The following JAK1 variants were observed in gnomAD, a reference collection of about 807,000 sequenced individuals.
The protein encoded by JAK1 is Janus kinase 1, also known as tyrosine-protein kinase JAK1.
Under a neutral mutation model 136.6 loss-of-function variants are expected in JAK1, and 16 were observed. The ratio of observed to expected loss-of-function variants is 0.12; its 90% CI spans 0.08 to 0.18. JAK1 has a LOEUF of 0.18. Ranked by LOEUF, JAK1 falls within the 10% of genes least tolerant of loss-of-function variation. The pLI is 1.00. For missense variants in JAK1, 859 were observed against 1,450.1 expected, an observed-to-expected ratio of 0.59 and a Z score of 6.62; for synonymous variants, 492 against 519.5, an observed-to-expected ratio of 0.95 and a Z score of 0.72.
chr1:64,847,696 C>G (rs1184308870), intron 12 of JAK1, 21 bp from the exon 13 acceptor site: 2 of 1,611,726 alleles, frequency 1.2e-6, no homozygotes, highest in East Asian at 2.2e-5. Context: ...AAGCAGAAGG[C>G]TGGGTGACCT....
intron 1 of JAK1, among the ~76,000 whole-genome samples, chr1:65,067,337 T>A (rs934244066): frequency 1.3e-5 from 2 of 149,586 alleles, no homozygotes; most frequent in African/African-American, 4.9e-5. Flanking sequence ...CGGCTGCGTG[T>A]GCGTGTGCGC....
chr1:64,918,866 T>C (rs796840839), intron 1 of JAK1, among the ~76,000 whole-genome samples: 11 of 152,326 alleles, frequency 7.2e-5, no homozygotes, highest in African/African-American at 2.6e-4. Context: ...CCTTATCCTC[T>C]CCAGTAATCA....
At chr1:64,868,232 T>A (rs1656832413) in intron 6 of JAK1, among the ~76,000 whole-genome samples, 1 of 152,090 alleles carries the variant, frequency 6.6e-6, no homozygotes, top group African/African-American at 2.4e-5. Flanking sequence ...GGAGTCAATG[T>A]TAAGAAGAAC....
intron 2 of JAK1, among the ~76,000 whole-genome samples, chr1:65,016,577 C>A (rs1389553285): frequency 1.3e-5 from 2 of 152,176 alleles, no homozygotes; most frequent in East Asian, 3.9e-4. Flanking sequence ...GCACTCCAGC[C>A]TGGCAACAGA....
At chr1:64,838,935 G>A (rs535037051) in intron 20 of JAK1, among the ~76,000 whole-genome samples, 134 of 151,930 alleles carry the variant, frequency 8.8e-4, no homozygotes, top group African/African-American at 3.0e-3. Flanking sequence ...CACGAGGTCA[G>A]GAGATCGAGA....
intron 1 of JAK1, among the ~76,000 whole-genome samples, chr1:65,053,352 A>G (rs72677633): frequency 6.6e-6 from 1 of 152,166 alleles, no homozygotes; most frequent in Non-Finnish European, 1.5e-5. Context: ...CTCAAAAAAA[A>G]CACAAAAACA....
intron 2 of JAK1, among the ~76,000 whole-genome samples, chr1:65,042,407 AACACACACACAC>A (rs72477165): frequency 6.8e-5 from 10 of 148,012 alleles, no homozygotes; most frequent in South Asian, 2.2e-4. Context: ...ACTCTTATTT[AACACACACACAC>A]ACACACACAC....
At chr1:64,847,024 A>C (rs1570626272) in intron 13 of JAK1, 1 of 501,878 alleles carries the variant, frequency 2.0e-6, no homozygotes, top group South Asian at 2.9e-5. Context: ...ACTCATGCCC[A>C]CCTCTCTCTC....
intron 1 of JAK1, among the ~76,000 whole-genome samples, chr1:64,926,330 T>C (rs1261455104): frequency 6.6e-6 from 1 of 151,520 alleles, no homozygotes; most frequent in African/African-American, 2.4e-5. Context: ...TATATGTGAC[T>C]CCTGCCCATT....
intron 1 of JAK1, among the ~76,000 whole-genome samples, chr1:64,953,671 T>G (rs1056795816): frequency 2.6e-5 from 4 of 152,090 alleles, no homozygotes; most frequent in African/African-American, 4.8e-5. Flanking sequence ...TTTTTTTTTA[T>G]TTTTTTGAGA....
chr1:64,878,946 G>C lies in JAK1; in HGVS notation c.329+79C>G, dbSNP rs930843094. 2.6e-4 allele frequency: 362 copies of C among 1,387,916 alleles called. 1 individual carries two copies. Among genetic ancestry groups the C allele is most frequent in the Non-Finnish European group, 3.3e-4 (334 of 1,021,386 alleles). The allele number at this position is 1,387,916 out of a possible 1,614,324, so 86.0% of individuals were successfully genotyped here. A position where few individuals can be genotyped will look rare whatever the true frequency, so the allele number is the denominator to read the frequency against. On this transcript the variant is annotated intron_variant, in intron 4 of 24. Transcript: ENST00000342505. The stretch of plus-strand genomic sequence containing the variant: ...AAATGACTACAATACTTCTTGGTAA[G>C]TGACTCAGGGCTCCAGGCTGACCAC...
At chr1:64,845,467 ACT>A in intron 15 of JAK1, 44 bp downstream of exon 15, 1 of 1,611,320 alleles carries the variant, frequency 6.2e-7, no homozygotes, top group South Asian at 1.1e-5. Flanking sequence ...CTCCCAGGAC[ACT>A]CTGGTTTCTG....
At chr1:65,061,524 G>A (rs1220540669) in intron 1 of JAK1, among the ~76,000 whole-genome samples, 2 of 152,134 alleles carry the variant, frequency 1.3e-5, no homozygotes, top group Non-Finnish European at 1.5e-5. Context: ...TGAAGGCACC[G>A]TAAGTTGTTG....
intron 22 of JAK1, among the ~76,000 whole-genome samples, chr1:64,836,532 G>C (rs2100935619): frequency 6.6e-6 from 1 of 152,208 alleles, no homozygotes; most frequent in South Asian, 2.1e-4. Context: ...CCCCAGGTCT[G>C]ATTTGCCTGC....
At chr1:65,012,116 C>G (rs1200684109) in intron 2 of JAK1, among the ~76,000 whole-genome samples, 1 of 152,198 alleles carries the variant, frequency 6.6e-6, no homozygotes, top group Non-Finnish European at 1.5e-5. Flanking sequence ...GACAACAGCT[C>G]TGTCATGGGG....
intron 1 of JAK1, among the ~76,000 whole-genome samples, chr1:64,940,357 C>G (rs1473698828): frequency 6.9e-6 from 1 of 145,188 alleles, no homozygotes; most frequent in Non-Finnish European, 1.5e-5. Context: ...CACTCTGTTG[C>G]CCAGGCTGGA....
chr1:64,928,789 AAAAAAAAC>A (rs1378916518), intron 1 of JAK1, among the ~76,000 whole-genome samples: 2 of 123,144 alleles, frequency 1.6e-5, no homozygotes, highest in Non-Finnish European at 3.1e-5. Context: ...AAAAAAAAAA[AAAAAAAAC>A]AAAAAAAAAA....
At chr1:65,016,150 T>C (rs149817589) in intron 2 of JAK1, among the ~76,000 whole-genome samples, 2 of 152,322 alleles carry the variant, frequency 1.3e-5, no homozygotes, top group East Asian at 3.9e-4. Flanking sequence ...GGAAAATTCG[T>C]AGAAATGTAA....
chr1:64,985,727 G>A lies in JAK1; in HGVS notation c.-78+58753C>T, dbSNP rs61734447. The A allele has an allele frequency of 0.011, 7,672 of 688,224 alleles. 405 individuals carry two copies. The African/African-American group carries it at 0.12, about 11-fold the overall frequency. 42.6% of individuals were successfully genotyped at this position (688,224 alleles called of 1,614,324 possible). ...TGCAGAAGAGGCCAATAACCAAGTA[G>A]GCCAGGATCAGTATTTCAACCAACT... On this transcript the variant is annotated intron_variant, in intron 2 of 25. Transcript: ENST00000671954.
Sources: allele counts gnomAD v4.1 joint callset (sites outside exome capture counted in the v4.1 genomes callset), GRCh38; gene constraint gnomAD v4.1.1; transcripts MANE v1.5; gene names NCBI Gene and HGNC (gene_info 2026-07-23, HGNC 2026-07-21).